The following SRPK2 variants were observed in gnomAD, a reference collection of about 807,000 sequenced individuals.
The protein encoded by SRPK2 is SFRS protein kinase 2.
In SRPK2, 21 loss-of-function variants were observed where a neutral mutation model predicts 90.8. That is an observed-to-expected ratio of 0.23 (90% CI 0.16 to 0.33). The LOEUF is 0.33. SRPK2 is among the 10% of genes least tolerant of loss of function. The pLI is 1.00. For synonymous variants in SRPK2, 288 were observed against 311.1 expected (o/e 0.93, Z 0.78); for missense variants, 620 against 869.0 (o/e 0.71, Z 3.60).
At chr7:105,245,061 A>ACACACACC (rs1801442055) in intron 2 of SRPK2, 4 of 656,218 alleles carry the variant, frequency 6.1e-6, no homozygotes, top group African/African-American at 1.8e-5. Context: ...ACACACACAC[A>ACACACACC]CACACACACA....
chr7:105,390,780 T>C (rs927417658), upstream of SRPK2, among the ~76,000 whole-genome samples: 1 of 152,078 alleles, frequency 6.6e-6, no homozygotes, highest in African/African-American at 2.4e-5. Flanking sequence ...GTTTTGTTGT[T>C]TATAACATTG....
At chr7:105,313,446 C>CAA (rs546210374) in intron 2 of SRPK2, among the ~76,000 whole-genome samples, 82 of 64,522 alleles carry the variant, frequency 1.3e-3, no homozygotes, top group East Asian at 3.0e-3. Context: ...GACTCCATCT[C>CAA]AAAAAAAAAA....
At chr7:105,338,293 T>C (rs570858919) in intron 2 of SRPK2, among the ~76,000 whole-genome samples, 1 of 152,180 alleles carries the variant, frequency 6.6e-6, no homozygotes, top group East Asian at 1.9e-4. Flanking sequence ...CAGGCTGCAG[T>C]AGCATGATCT....
Position 105,177,434 on chromosome 7 carries a change from A to G in SRPK2, c.230-8169T>C, listed in dbSNP as rs545033971. ...TAAAACCTTAGCATATTTGTTGTCA[A>G]TGATGTTCTTATGAATATTATTGAA... On this transcript the variant is annotated intron_variant, in intron 3 of 15. Coordinates refer to ENST00000393651, the MANE Select transcript of SRPK2 (RefSeq NM_182692.3). Among the ~76,000 whole-genome samples the G allele has an allele frequency of 1.2e-4, 18 of 152,354 alleles. 1 individual carries two copies. The South Asian group carries it at 2.5e-3, about 21-fold the overall frequency.
intron 2 of SRPK2, among the ~76,000 whole-genome samples, chr7:105,256,900 C>T (rs1466080362): frequency 5.3e-5 from 8 of 152,170 alleles, no homozygotes; most frequent in Non-Finnish European, 1.2e-4. Flanking sequence ...CTTTACCATA[C>T]CACTCATCTT....
At chr7:105,263,469 C>A (rs1163277945) in intron 2 of SRPK2, among the ~76,000 whole-genome samples, 6 of 152,070 alleles carry the variant, frequency 3.9e-5, no homozygotes, top group Non-Finnish European at 5.9e-5. Flanking sequence ...TTAATTACAA[C>A]TACACACAAC....
intron 2 of SRPK2, among the ~76,000 whole-genome samples, chr7:105,263,924 GA>G (rs1563165090): frequency 6.6e-6 from 1 of 152,160 alleles, no homozygotes; most frequent in Non-Finnish European, 1.5e-5. Context: ...TCTCATTAAG[GA>G]ACAAGTACAC....
intron 2 of SRPK2, among the ~76,000 whole-genome samples, chr7:105,328,681 G>A (rs1813895583): frequency 6.6e-6 from 1 of 151,078 alleles, no homozygotes; most frequent in African/African-American, 2.4e-5. Flanking sequence ...TTGCTAACAC[G>A]GTGAAACCCC....
At chr7:105,228,406 T>C (rs917979622) in intron 2 of SRPK2, among the ~76,000 whole-genome samples, 2 of 152,182 alleles carry the variant, frequency 1.3e-5, no homozygotes, top group Non-Finnish European at 2.9e-5. Flanking sequence ...TAAAGAGAAA[T>C]TGCTGAAATT....
At chr7:105,326,889 C>T (rs758547625) in intron 2 of SRPK2, among the ~76,000 whole-genome samples, 5 of 151,894 alleles carry the variant, frequency 3.3e-5, no homozygotes, top group Non-Finnish European at 5.9e-5. Flanking sequence ...TGGTGAAACC[C>T]GGTCTCTACT....
intron 2 of SRPK2, among the ~76,000 whole-genome samples, chr7:105,333,322 G>T (rs1204069): frequency 0.014 from 2,112 of 152,256 alleles, 52 homozygotes; most frequent in African/African-American, 0.048. Flanking sequence ...AATGTTTATT[G>T]TAACAAATAT....
intron 2 of SRPK2, among the ~76,000 whole-genome samples, chr7:105,334,196 C>T (rs540275219): frequency 1.3e-5 from 2 of 152,324 alleles, no homozygotes; most frequent in South Asian, 2.1e-4. Context: ...ATTCTTCTGC[C>T]TCAGCCTCCC....
chr7:105,385,172 T>A (rs1487392712), intron 2 of SRPK2, among the ~76,000 whole-genome samples: 4 of 13,204 alleles, frequency 3.0e-4, no homozygotes, highest in African/African-American at 2.0e-4. Flanking sequence ...GCGCCCGGCA[T>A]TTTTTTTTTT....
intron 2 of SRPK2, among the ~76,000 whole-genome samples, chr7:105,264,299 T>C (rs191876275): frequency 2.0e-5 from 3 of 152,312 alleles, no homozygotes; most frequent in Non-Finnish European, 4.4e-5. Flanking sequence ...CATCGCTATG[T>C]ATCACTTTCA....
At chr7:105,336,971 T>C in intron 2 of SRPK2, among the ~76,000 whole-genome samples, 1 of 152,096 alleles carries the variant, frequency 6.6e-6, no homozygotes, top group East Asian at 1.9e-4. Flanking sequence ...CTAGCTAATA[T>C]TTGTAATTTT....
At chr7:105,277,228 T>C (rs7801685) in intron 2 of SRPK2, among the ~76,000 whole-genome samples, 66,105 of 151,490 alleles carry the variant, frequency 0.44, 15,707 homozygotes, top group South Asian at 0.54. Context: ...AGGCGCCCAC[T>C]ACCACGTCCG....
At chr7:105,154,825 C>T (rs909398960) in intron 7 of SRPK2, among the ~76,000 whole-genome samples, 18 of 151,856 alleles carry the variant, frequency 1.2e-4, no homozygotes, top group African/African-American at 4.1e-4. Context: ...CAAGCACGTG[C>T]CACCACACCC....
At chr7:105,287,259 T>TAAAAAAA (rs71520909) in intron 2 of SRPK2, among the ~76,000 whole-genome samples, 2 of 58,868 alleles carry the variant, frequency 3.4e-5, no homozygotes, top group East Asian at 5.0e-4. Context: ...AGACTCCGTC[T>TAAAAAAA]AAAAAAAAAA....
chr7:105,159,464 A>AAAAAAAAAAAAAAAAAAAAAAAACAC (rs1807168874), intron 7 of SRPK2, among the ~76,000 whole-genome samples: 1 of 141,598 alleles, frequency 7.1e-6, no homozygotes, highest in African/African-American at 2.9e-5. Context: ...AAAAAAAAAA[A>AAAAAAAAAAAAAAAAAAAAAAAACAC]AAAAAAAAAC....
Sources: gnomAD v4.1 joint callset for allele counts (sites outside exome capture counted in the v4.1 genomes callset) on GRCh38, gnomAD v4.1.1 for gene constraint, MANE v1.5 for transcripts, NCBI Gene and HGNC (gene_info 2026-07-23, HGNC 2026-07-21) for gene names.